ARL13B: variants seen among roughly 807,000 people sequenced by gnomAD.
ARL13B encodes ADP-ribosylation factor-like protein 13B.
ARL13B carries 36 observed loss-of-function variants against 56.1 expected under a neutral mutation model. The ratio of observed to expected loss-of-function variants is 0.64; its 90% CI spans 0.49 to 0.85. The LOEUF (loss-of-function observed/expected upper bound fraction) is 0.85. ARL13B is among the 40% of genes least tolerant of loss of function. The pLI, the probability that ARL13B is intolerant of heterozygous loss-of-function variation, is 0.00. For synonymous variants in ARL13B, 178 were observed against 171.1 expected, an observed-to-expected ratio of 1.04 and a Z score of -0.32; for missense variants, 519 against 507.1, an observed-to-expected ratio of 1.02 and a Z score of -0.23.
In ARL13B at chr3:94,055,661, C is replaced by T. The variant is rs1459853666; in HGVS notation, c.*2398C>T. 1 of 451,446 alleles carries T rather than the reference C, an allele frequency of 2.2e-6. No individual in the cohort carries two copies. The highest frequency in any genetic ancestry group is 7.0e-5 in the East Asian group (1 of 14,340). 28.0% of individuals were successfully genotyped at this position (451,446 alleles called of 1,614,324 possible). On this transcript the variant is annotated 3_prime_UTR_variant, in exon 10 of 10. Transcript: ENST00000394222. ...TATGTAACTGACTTCAAATATAAAACTATGCATAGAAACAACACTAGAAAG... is the reference window on the plus strand; with the variant it reads ...TATGTAACTGACTTCAAATATAAAATTATGCATAGAAACAACACTAGAAAG...
At chr3:94,031,765 T>C (rs953939525) in intron 3 of ARL13B, among the ~76,000 whole-genome samples, 1 of 152,198 alleles carries the variant, frequency 6.6e-6, no homozygotes, top group African/African-American at 2.4e-5. Flanking sequence ...ACAAGGTTAT[T>C]GTAACCAAAG....
chr3:93,997,525 T>C lies in ARL13B; in HGVS notation c.130+1581T>C, dbSNP rs980148265. Among the ~76,000 whole-genome samples the C allele has an allele frequency of 7.2e-5, 11 of 152,338 alleles. No homozygotes were observed. The Middle Eastern group carries it at 0.01, about 141-fold the overall frequency. On this transcript the variant is annotated intron_variant, in intron 2 of 9. Transcript: ENST00000394222. ...TTCTAAAGCCTATGTCTATGCTATCTTCTACGTTATATCTTCACAGGACAC... is the reference window on the plus strand; with the variant it reads ...TTCTAAAGCCTATGTCTATGCTATCCTCTACGTTATATCTTCACAGGACAC...
chr3:94,046,012 A>C (rs1036526782), intron 7 of ARL13B, among the ~76,000 whole-genome samples: 5 of 151,984 alleles, frequency 3.3e-5, no homozygotes, highest in Admixed American at 3.3e-4. Flanking sequence ...AGTGATCATA[A>C]CAGTATAGTA....
chr3:94,010,532 G>A (rs899450803), intron 3 of ARL13B, among the ~76,000 whole-genome samples: 68 of 151,476 alleles, frequency 4.5e-4, no homozygotes, highest in African/African-American at 1.6e-3. Flanking sequence ...TTTTGCCTTC[G>A]CCTCTTTTAA....
chr3:93,985,923 C>T (rs1201652019), intron 1 of ARL13B, among the ~76,000 whole-genome samples: 2 of 152,072 alleles, frequency 1.3e-5, no homozygotes, highest in African/African-American at 4.8e-5. Flanking sequence ...CTGTTTTGTC[C>T]TCTTTGCTAT....
At chr3:93,983,933 C>G (rs545509454) in intron 1 of ARL13B, among the ~76,000 whole-genome samples, 4 of 152,276 alleles carry the variant, frequency 2.6e-5, no homozygotes, top group Admixed American at 2.0e-4. Context: ...TTCCAAAAAA[C>G]TTAATTACTA....
At chr3:93,988,701 G>A (rs923300917) in intron 1 of ARL13B, 9 of 456,284 alleles carry the variant, frequency 2.0e-5, no homozygotes, top group South Asian at 3.3e-5. Context: ...TAGTTTCTTC[G>A]TTTTCTGCAG....
intron 3 of ARL13B, among the ~76,000 whole-genome samples, chr3:94,019,154 A>C (rs1252486794): frequency 6.6e-6 from 1 of 151,974 alleles, no homozygotes; most frequent in African/African-American, 2.4e-5. Context: ...ATTTGGATCT[A>C]GCCACCTCTT....
At chr3:94,027,360 TAA>T (rs933210388) in intron 3 of ARL13B, among the ~76,000 whole-genome samples, 2 of 152,090 alleles carry the variant, frequency 1.3e-5, no homozygotes, top group African/African-American at 4.8e-5. Context: ...TTTTGCAATG[TAA>T]ACTTTCAATG....
chr3:94,032,745 C>A (rs1263487047), intron 3 of ARL13B, among the ~76,000 whole-genome samples: 5 of 152,184 alleles, frequency 3.3e-5, no homozygotes, highest in Non-Finnish European at 5.9e-5. Context: ...ATCCGCCCGC[C>A]TCGGCCTCCC....
chr3:94,034,853 T>C (rs1318580081), intron 3 of ARL13B, among the ~76,000 whole-genome samples: 1 of 152,154 alleles, frequency 6.6e-6, no homozygotes, highest in African/African-American at 2.4e-5. Context: ...ATTTTAGCAA[T>C]AATAAGGGAA....
intron 3 of ARL13B, among the ~76,000 whole-genome samples, chr3:94,029,323 TATATATATATATTTA>T (rs1559997572): frequency 3.9e-5 from 4 of 101,440 alleles, no homozygotes; most frequent in African/African-American, 1.9e-4. Context: ...TATATATATA[TATATATATATATTTA>T]TTTTTTTTTT....
intron 3 of ARL13B, among the ~76,000 whole-genome samples, chr3:94,030,363 A>G (rs2076653755): frequency 1.4e-5 from 2 of 147,216 alleles, no homozygotes; most frequent in East Asian, 2.0e-4. Context: ...AGTAGCTGGT[A>G]TTACAGGTGC....
At chr3:93,992,239 A>G (rs949689692) in intron 1 of ARL13B, among the ~76,000 whole-genome samples, 1 of 152,208 alleles carries the variant, frequency 6.6e-6, no homozygotes, top group African/African-American at 2.4e-5. Context: ...GGTGCTCTAT[A>G]TAATAGAGAA....
At chr3:94,004,008 C>G in intron 3 of ARL13B, 100 bp downstream of exon 3, 1 of 1,516,010 alleles carries the variant, frequency 6.6e-7, no homozygotes, top group African/African-American at 1.4e-5. Flanking sequence ...AATAGTCACG[C>G]TTTAGTATAC....
chr3:93,991,246 G>A (rs1348837511), intron 1 of ARL13B, among the ~76,000 whole-genome samples: 1 of 152,164 alleles, frequency 6.6e-6, no homozygotes, highest in Admixed American at 6.5e-5. Flanking sequence ...AAGGGCTAAT[G>A]TATTTGATCA....
chr3:93,991,048 C>T (rs2075866825), intron 1 of ARL13B, among the ~76,000 whole-genome samples: 1 of 152,110 alleles, frequency 6.6e-6, no homozygotes, highest in African/African-American at 2.4e-5. Flanking sequence ...ATGTTTTAGT[C>T]ACTGTCACTA....
intron 7 of ARL13B, among the ~76,000 whole-genome samples, chr3:94,044,657 C>T (rs1318952364): frequency 5.8e-5 from 8 of 137,518 alleles, no homozygotes; most frequent in Non-Finnish European, 9.2e-5. Context: ...GCTGCCCCAT[C>T]GGGTAGGTGA....
chr3:93,992,475 A>G (rs2075893522), intron 1 of ARL13B, among the ~76,000 whole-genome samples: 1 of 152,106 alleles, frequency 6.6e-6, no homozygotes, highest in Admixed American at 6.5e-5. Context: ...ATCTCATGTT[A>G]CTGTAATTAC....
Sources: gnomAD v4.1 joint callset for allele counts (sites outside exome capture counted in the v4.1 genomes callset) on GRCh38, gnomAD v4.1.1 for gene constraint, MANE v1.5 for transcripts, NCBI Gene and HGNC (gene_info 2026-07-23, HGNC 2026-07-21) for gene names.